Variants in PRRX1 observed in about 807,000 individuals in gnomAD.
PRRX1 encodes the protein paired related homeobox 1, also known as paired mesoderm homeobox protein 1.
In PRRX1, 8 loss-of-function variants were observed where a neutral mutation model predicts 24.0. That is an observed-to-expected ratio of 0.33 (90% CI 0.20 to 0.60). The LOEUF (loss-of-function observed/expected upper bound fraction) is 0.60. Among genes scored for constraint, PRRX1 ranks in the 20% least tolerant of loss-of-function variants. The pLI is 0.82. For synonymous variants in PRRX1, 160 were observed against 131.7 expected, an observed-to-expected ratio of 1.22 and a Z score of -1.47; for missense variants, 281 against 322.4, an observed-to-expected ratio of 0.87 and a Z score of 0.98.
In PRRX1 at chr1:170,737,090, A is replaced by T. The variant is rs966979868; in HGVS notation, c.*904A>T. On this transcript the variant is annotated 3_prime_UTR_variant, in exon 4 of 4. Transcript: ENST00000239461. ...AGTGAGTTCTAAAAGGCATGCCCAC[A>T]TCTCTTTCGTGCCTTAAGGATAGTG... The T allele has an allele frequency of 1.1e-5, 2 of 180,354 alleles. No individual in the cohort carries two copies. The highest frequency in any genetic ancestry group is 4.8e-5 in the African/African-American group (2 of 42,098). 11.2% of individuals were successfully genotyped at this position (180,354 alleles called of 1,614,324 possible).
intron 1 of PRRX1, among the ~76,000 whole-genome samples, chr1:170,677,882 C>T (rs2101889524): frequency 6.6e-6 from 1 of 152,246 alleles, no homozygotes; most frequent in East Asian, 1.9e-4. Flanking sequence ...ATCCCCTTTC[C>T]TCTAGTTTCT....
chr1:170,717,094 G>C (rs995805154), intron 1 of PRRX1, among the ~76,000 whole-genome samples: 1 of 152,180 alleles, frequency 6.6e-6, no homozygotes, highest in Admixed American at 6.5e-5. Flanking sequence ...AGACTCCCTG[G>C]ATCCCTGTTA....
At chr1:170,711,542 AC>A (rs1274778110) in intron 1 of PRRX1, among the ~76,000 whole-genome samples, 1 of 152,124 alleles carries the variant, frequency 6.6e-6, no homozygotes, top group Non-Finnish European at 1.5e-5. Context: ...GTTTTTTAGA[AC>A]CTGTGCTTAC....
intron 3 of PRRX1, 32 bp downstream of exon 3, chr1:170,726,433 C>T (rs896152760): frequency 2.5e-6 from 4 of 1,603,186 alleles, no homozygotes; most frequent in Non-Finnish European, 3.4e-6. Context: ...CCTTGCTCCA[C>T]TTCCACATGT....
intron 1 of PRRX1, among the ~76,000 whole-genome samples, chr1:170,684,407 A>T (rs1571320769): frequency 6.6e-6 from 1 of 152,224 alleles, no homozygotes; most frequent in East Asian, 1.9e-4. Flanking sequence ...AGAAACAGCT[A>T]GTTGGAATAC....
intron 1 of PRRX1, among the ~76,000 whole-genome samples, chr1:170,679,303 C>T (rs1280516998): frequency 6.6e-6 from 1 of 152,206 alleles, no homozygotes; most frequent in African/African-American, 2.4e-5. Flanking sequence ...AGGCATCTGG[C>T]ATTTTGTTAA....
chr1:170,670,400 G>C (rs1653106225), intron 1 of PRRX1, among the ~76,000 whole-genome samples: 1 of 152,156 alleles, frequency 6.6e-6, no homozygotes, highest in African/African-American at 2.4e-5. Flanking sequence ...CGGCTGCCAT[G>C]CCTCCTTTTC....
intron 3 of PRRX1, 22 bp from the exon 4 acceptor site, chr1:170,736,026 G>C (rs3830152): frequency 1.2e-6 from 2 of 1,613,606 alleles, no homozygotes; most frequent in South Asian, 1.1e-5. Flanking sequence ...TATTCTCCCT[G>C]CTCTCTCCTT....
chr1:170,727,026 C>A (rs1336148642), intron 3 of PRRX1: 2 of 152,340 alleles, frequency 1.3e-5, no homozygotes, highest in East Asian at 1.9e-4. Flanking sequence ...CAAATGCCTT[C>A]CTAATCTATT....
intron 1 of PRRX1, among the ~76,000 whole-genome samples, chr1:170,714,925 A>C (rs970586123): frequency 6.6e-6 from 1 of 151,948 alleles, no homozygotes; most frequent in African/African-American, 2.4e-5. Flanking sequence ...GAAGTTCTTC[A>C]TATGTATTCT....
chr1:170,674,648 T>C (rs1653252026), intron 1 of PRRX1, among the ~76,000 whole-genome samples: 1 of 152,136 alleles, frequency 6.6e-6, no homozygotes, highest in Non-Finnish European at 1.5e-5. Flanking sequence ...ACAACACCGC[T>C]GCAGTAAGCA....
chr1:170,696,890 G>A (rs1482313915), intron 1 of PRRX1, among the ~76,000 whole-genome samples: 3 of 152,162 alleles, frequency 2.0e-5, no homozygotes, highest in Non-Finnish European at 4.4e-5. Context: ...AATGAAAGGA[G>A]ATTATTTTTG....
intron 3 of PRRX1, chr1:170,728,433 T>C (rs551020157): frequency 2.6e-5 from 4 of 152,228 alleles, no homozygotes; most frequent in Non-Finnish European, 5.9e-5. Flanking sequence ...AACTAGTATA[T>C]TCATTTTTGT....
chr1:170,703,988 G>A (rs1045659578), intron 1 of PRRX1, among the ~76,000 whole-genome samples: 13 of 152,076 alleles, frequency 8.5e-5, no homozygotes, highest in Admixed American at 2.6e-4. Flanking sequence ...ACTGGGAAAA[G>A]CAAAGCAAAA....
intron 1 of PRRX1, among the ~76,000 whole-genome samples, chr1:170,671,699 C>G (rs1235633141): frequency 1.3e-5 from 2 of 152,180 alleles, no homozygotes; most frequent in African/African-American, 4.8e-5. Flanking sequence ...CATGTAGACA[C>G]CTGGCAGGAG....
intron 1 of PRRX1, among the ~76,000 whole-genome samples, chr1:170,678,763 G>T (rs1653404883): frequency 6.6e-6 from 1 of 152,112 alleles, no homozygotes; most frequent in African/African-American, 2.4e-5. Context: ...TGCAGTTCAT[G>T]TCTAATAATT....
At chr1:170,735,364 A>T (rs1558065588) in intron 3 of PRRX1, among the ~76,000 whole-genome samples, 1 of 152,198 alleles carries the variant, frequency 6.6e-6, no homozygotes, top group Non-Finnish European at 1.5e-5. Flanking sequence ...AGATTTAAAC[A>T]TTTTCAAAAT....
intron 1 of PRRX1, among the ~76,000 whole-genome samples, chr1:170,687,762 A>G (rs1277822193): frequency 6.6e-6 from 1 of 152,168 alleles, no homozygotes; most frequent in Non-Finnish European, 1.5e-5. Context: ...ACTCAGCCAT[A>G]AAAACTGTGT....
chr1:170,708,120 G>A (rs1654624395), intron 1 of PRRX1, among the ~76,000 whole-genome samples: 1 of 152,008 alleles, frequency 6.6e-6, no homozygotes, highest in Non-Finnish European at 1.5e-5. Flanking sequence ...AATTCTTCTT[G>A]CCAGATTTCA....
Sources: gnomAD v4.1 joint callset for allele counts (sites outside exome capture counted in the v4.1 genomes callset) on GRCh38, gnomAD v4.1.1 for gene constraint, MANE v1.5 for transcripts, NCBI Gene and HGNC (gene_info 2026-07-23, HGNC 2026-07-21) for gene names.